Variants in DCC observed in about 807,000 individuals in gnomAD.
DCC encodes netrin receptor DCC.
DCC carries 58 observed loss-of-function variants against 172.5 expected under a neutral mutation model. That is an observed-to-expected ratio of 0.34 (90% confidence interval 0.27 to 0.42). The LOEUF is 0.42. Ranked by LOEUF, DCC falls within the 10% of genes least tolerant of loss-of-function variation. The probability of loss-of-function intolerance (pLI) is 1.00; values close to 1 mark genes in which losing one functional copy is unlikely to be tolerated. For missense variants in DCC, 1,740 were observed against 1,791.0 expected, an observed-to-expected ratio of 0.97 and a Z score of 0.51; for synonymous variants, 709 against 644.5, an observed-to-expected ratio of 1.10 and a Z score of -1.52.
At chr18:53,214,349 C>A (rs1568369579) in intron 11 of DCC, among the ~76,000 whole-genome samples, 1 of 152,082 alleles carries the variant, frequency 6.6e-6, no homozygotes, top group Non-Finnish European at 1.5e-5. Context: ...CTCATTTGCT[C>A]ATTCAATCAT....
At chr18:53,371,154 A>AC (rs2058056972) in intron 15 of DCC, among the ~76,000 whole-genome samples, 1 of 151,928 alleles carries the variant, frequency 6.6e-6, no homozygotes, top group Non-Finnish European at 1.5e-5. Flanking sequence ...AAGATGAGCA[A>AC]CAAGTTATAA....
At chr18:53,209,630 T>C (rs1331626594) in intron 11 of DCC, among the ~76,000 whole-genome samples, 1 of 152,174 alleles carries the variant, frequency 6.6e-6, no homozygotes, top group East Asian at 1.9e-4. Context: ...CTTTAAAATG[T>C]ATTTTATACG....
chr18:53,350,322 T>A (rs181375030), intron 15 of DCC, among the ~76,000 whole-genome samples: 1 of 152,286 alleles, frequency 6.6e-6, no homozygotes, highest in African/African-American at 2.4e-5. Flanking sequence ...GACTATACAA[T>A]TAAAACTTTT....
chr18:53,375,929 A>G (rs888539661), intron 15 of DCC, among the ~76,000 whole-genome samples: 3 of 152,054 alleles, frequency 2.0e-5, no homozygotes, highest in Non-Finnish European at 4.4e-5. Context: ...TCTATTCCTG[A>G]CACTATGGAG....
At chr18:53,135,267 G>T (rs752245797) in intron 7 of DCC, among the ~76,000 whole-genome samples, 1 of 152,080 alleles carries the variant, frequency 6.6e-6, no homozygotes, top group Non-Finnish European at 1.5e-5. Context: ...TTCCAGAGAT[G>T]ATATAACTTG....
intron 7 of DCC, among the ~76,000 whole-genome samples, chr18:53,080,719 A>G (rs541152835): frequency 6.6e-6 from 1 of 152,254 alleles, no homozygotes; most frequent in South Asian, 2.1e-4. Context: ...GGAGAGAATG[A>G]TTAATTCAAA....
intron 24 of DCC, among the ~76,000 whole-genome samples, chr18:53,463,001 C>G (rs1465180980): frequency 6.6e-6 from 1 of 152,254 alleles, no homozygotes; most frequent in Non-Finnish European, 1.5e-5. Flanking sequence ...CGGGGTAGAA[C>G]AGCAAGCCCA....
chr18:52,457,170 T>C (rs945203109), intron 1 of DCC, among the ~76,000 whole-genome samples: 1 of 152,146 alleles, frequency 6.6e-6, no homozygotes, highest in Non-Finnish European at 1.5e-5. Flanking sequence ...AATCTTTGAT[T>C]TTGAAATGAG....
At chr18:53,254,504 T>C (rs1213053300) in intron 12 of DCC, among the ~76,000 whole-genome samples, 1 of 151,990 alleles carries the variant, frequency 6.6e-6, no homozygotes, top group African/African-American at 2.4e-5. Flanking sequence ...TCCCATTGAA[T>C]CCCTCTTTCA....
At chr18:52,646,440 TGGA>T (rs2035020173) in intron 1 of DCC, among the ~76,000 whole-genome samples, 1 of 152,132 alleles carries the variant, frequency 6.6e-6, no homozygotes, top group Admixed American at 6.5e-5. Flanking sequence ...CACTAATACC[TGGA>T]TTTAGCACAG....
intron 2 of DCC, chr18:52,892,556 G>A (rs2039666334): frequency 6.6e-6 from 1 of 152,100 alleles, no homozygotes. Context: ...AAAATGTGTT[G>A]AGATAAAAGA....
At chr18:52,995,892 T>C in intron 5 of DCC, among the ~76,000 whole-genome samples, 1 of 151,564 alleles carries the variant, frequency 6.6e-6, no homozygotes, top group Non-Finnish European at 1.5e-5. Flanking sequence ...GCTTTTTGTT[T>C]CTGTCTCCTG....
intron 12 of DCC, among the ~76,000 whole-genome samples, chr18:53,220,465 C>A (rs1338322586): frequency 6.6e-6 from 1 of 152,120 alleles, no homozygotes; most frequent in Non-Finnish European, 1.5e-5. Flanking sequence ...TTATAAAATA[C>A]ACTTTGGCTG....
intron 15 of DCC, among the ~76,000 whole-genome samples, chr18:53,350,385 CAT>C (rs1287784216): frequency 2.0e-5 from 3 of 152,128 alleles, no homozygotes; most frequent in African/African-American, 4.8e-5. Context: ...ACATAAATAA[CAT>C]AGGTTATTTC....
At chr18:52,354,282 C>A (rs1356539524) in intron 1 of DCC, among the ~76,000 whole-genome samples, 1 of 152,122 alleles carries the variant, frequency 6.6e-6, no homozygotes, top group Non-Finnish European at 1.5e-5. Context: ...GTAGAAAGAA[C>A]CCTGAAAGAT....
chr18:53,063,177 T>G (rs2042519823), intron 5 of DCC, 128 bp from the exon 6 acceptor site: 1 of 936,590 alleles, frequency 1.1e-6, no homozygotes. Flanking sequence ...AGCTAAGAGC[T>G]TAGGGAATGA....
chr18:52,723,568 T>C (rs188116863), intron 1 of DCC, among the ~76,000 whole-genome samples: 67 of 152,272 alleles, frequency 4.4e-4, no homozygotes, highest in Middle Eastern at 3.4e-3. Context: ...ATTTAAAGCA[T>C]TCATCTAACT....
At chr18:53,385,193 A>G (rs1908075730) in intron 15 of DCC, among the ~76,000 whole-genome samples, 1 of 152,028 alleles carries the variant, frequency 6.6e-6, no homozygotes, top group South Asian at 2.1e-4. Flanking sequence ...TTTTCAATAG[A>G]CAGGGTTCAG....
intron 13 of DCC, among the ~76,000 whole-genome samples, chr18:53,309,270 C>T (rs1467755841): frequency 6.6e-6 from 1 of 152,036 alleles, no homozygotes; most frequent in East Asian, 1.9e-4. Flanking sequence ...AACTCTTGGC[C>T]TCAAGTCATT....
Sources: gnomAD v4.1 joint callset for allele counts (sites outside exome capture counted in the v4.1 genomes callset) on GRCh38, gnomAD v4.1.1 for gene constraint, MANE v1.5 for transcripts, NCBI Gene and HGNC (gene_info 2026-07-23, HGNC 2026-07-21) for gene names.